MAP3K21: variants seen among roughly 807,000 people sequenced by gnomAD.
MAP3K21 encodes the protein mitogen-activated protein kinase kinase kinase 21.
MAP3K21 carries 63 observed loss-of-function variants against 86.1 expected under a neutral mutation model. The observed-to-expected ratio is 0.73, with a 90% confidence interval of 0.60 to 0.90. The LOEUF (loss-of-function observed/expected upper bound fraction) is 0.90, where lower values mean the gene tolerates loss of function less well. Ranked by LOEUF, MAP3K21 falls within the 40% of genes least tolerant of loss-of-function variation. The pLI, the probability that MAP3K21 is intolerant of heterozygous loss-of-function variation, is 0.00. For missense variants in MAP3K21, 1,220 were observed against 1,367.7 expected (o/e 0.89, Z 1.70); for synonymous variants, 558 against 564.8 (o/e 0.99, Z 0.17).
At chr1:233,357,036 C>T (rs948023282) in intron 4 of MAP3K21, among the ~76,000 whole-genome samples, 6 of 152,140 alleles carry the variant, frequency 3.9e-5, no homozygotes, top group African/African-American at 7.2e-5. Flanking sequence ...TTTGGGAGGT[C>T]GGGGCAGGTG....
intron 2 of MAP3K21, among the ~76,000 whole-genome samples, chr1:233,352,501 G>T (rs774648318): frequency 6.6e-6 from 1 of 151,832 alleles, no homozygotes; most frequent in Non-Finnish European, 1.5e-5. Context: ...CGTGATCTCG[G>T]CTCAGTGCAA....
chr1:233,337,665 T>C (rs1168552974), intron 1 of MAP3K21, among the ~76,000 whole-genome samples: 2 of 152,198 alleles, frequency 1.3e-5, no homozygotes, highest in Non-Finnish European at 2.9e-5. Flanking sequence ...AGGAAACAGT[T>C]CTGAGCCTTG....
chr1:233,354,011 T>A, intron 3 of MAP3K21, 56 bp downstream of exon 3: 1 of 1,380,292 alleles, frequency 7.2e-7, no homozygotes, highest in South Asian at 2.1e-5. Context: ...CATTAGAATA[T>A]CATTTTTTAA....
rs1663967189 is a variant in MAP3K21, at chr1:233,384,331, T to C, written c.*1620T>C. ...TGAGAAACAGTATGAAAGGATTGTA[T>C]TAACATGGTAAGTTTTGCCCTAAGG... On this transcript the variant is annotated 3_prime_UTR_variant, in exon 10 of 10. Transcript: ENST00000366624. 1 of 152,244 alleles carries C rather than the reference T, an allele frequency of 6.6e-6. No homozygotes were observed. Among genetic ancestry groups the C allele is most frequent in the Non-Finnish European group, 1.5e-5 (1 of 68,026 alleles). 9.4% of individuals were successfully genotyped at this position (152,244 alleles called of 1,614,324 possible).
intron 6 of MAP3K21, among the ~76,000 whole-genome samples, chr1:233,374,566 ACAT>A (rs1663752645): frequency 6.6e-6 from 1 of 152,134 alleles, no homozygotes; most frequent in African/African-American, 2.4e-5. Context: ...AAGTAACCAA[ACAT>A]CATCCACAAT....
rs778992107 is a variant in MAP3K21 at position 233,328,752 on chromosome 1, G to C, written c.724G>C (p.Val242Leu). The C allele has an allele frequency of 2.6e-6, 4 of 1,524,178 alleles. No individual in the cohort carries two copies. In the South Asian group the frequency reaches 4.8e-5, roughly 18 times the overall value. The allele number at this position is 1,524,178 out of a possible 1,614,324, so 94.4% of individuals were successfully genotyped here. A position where few individuals can be genotyped will look rare whatever the true frequency, so the allele number is the denominator to read the frequency against. Residue 242 changes from valine (V) to leucine (L), a missense_variant, in exon 1 of 10, where the codon GTG becomes CTG. Around this residue, in one of 5 missense-constraint regions of MAP3K21, gnomAD observed 369 missense variants for 385.3 expected, o/e 0.96. Coordinates refer to ENST00000366624, the MANE Select transcript of MAP3K21 (RefSeq NM_032435.3). This position sits in a 1 kb window ranked among gnomAD's most constrained non-coding sequence, Gnocchi z 8.7. ...TCCGCACGTGCTGGTCAACTGGGCC[G>C]TGCAGATAGCGCGGGGCATGCTCTA... ...IPPHVLVNWA[V>L]QIARGMLYLH...
In MAP3K21 at chr1:233,384,543, A is replaced by C. The variant is rs1663971826; in HGVS notation, c.*1832A>C. ...ATTGCTTTGTGTTCAGTCCTTTTGG[A>C]ACACGTAGCTTCCAGCTTAAGGGTA... On this transcript the variant is annotated 3_prime_UTR_variant, in exon 10 of 10. Transcript: ENST00000366624. 1 of 146,914 alleles carries C rather than the reference A, an allele frequency of 6.8e-6. No homozygotes were observed. Among genetic ancestry groups the C allele is most frequent in the Non-Finnish European group, 1.5e-5 (1 of 67,156 alleles). The allele number at this position is 146,914 out of a possible 1,614,324, so 9.1% of individuals were successfully genotyped here.
At chr1:233,355,135 A>G (rs1663328398) in intron 4 of MAP3K21, 124 bp downstream of exon 4, 5 of 704,540 alleles carry the variant, frequency 7.1e-6, no homozygotes, top group Non-Finnish European at 9.0e-6. Context: ...GTTGATTCTC[A>G]CCTTCTTTCA....
intron 4 of MAP3K21, among the ~76,000 whole-genome samples, chr1:233,358,268 A>T (rs1167536237): frequency 6.6e-6 from 1 of 152,072 alleles, no homozygotes; most frequent in African/African-American, 2.4e-5. Context: ...TCTCAGGAAA[A>T]AAAAAGAAAG....
At chr1:233,352,502 C>T (rs1463954905) in intron 2 of MAP3K21, among the ~76,000 whole-genome samples, 5 of 151,732 alleles carry the variant, frequency 3.3e-5, no homozygotes, top group Non-Finnish European at 5.9e-5. Flanking sequence ...GTGATCTCGG[C>T]TCAGTGCAAC....
rs372146782 is a variant in MAP3K21 at position 233,338,183 on chromosome 1, A to G, written c.806-8259A>G. On this transcript the variant is annotated intron_variant, in intron 1 of 9. Transcript: ENST00000366624. ...GTCCATGTAAAGGCTTGTCCCATGAAAGATGGATTTTATTTCAGTATATGA... is the reference window on the plus strand; with the variant it reads ...GTCCATGTAAAGGCTTGTCCCATGAGAGATGGATTTTATTTCAGTATATGA... 3.3e-5 allele frequency among the ~76,000 whole-genome samples: 5 copies of G among 152,350 alleles called. No homozygotes were observed. In the South Asian group the frequency reaches 1.0e-3, roughly 32 times the overall value.
chr1:233,336,209 GA>G (rs1662907952), intron 1 of MAP3K21, among the ~76,000 whole-genome samples: 1 of 152,060 alleles, frequency 6.6e-6, no homozygotes, highest in Admixed American at 6.6e-5. Flanking sequence ...GAAAATCTTG[GA>G]ATATATAGAA....
At chr1:233,339,249 CTT>C (rs1558450755) in intron 1 of MAP3K21, among the ~76,000 whole-genome samples, 46 of 75,136 alleles carry the variant, frequency 6.1e-4, no homozygotes, top group Non-Finnish European at 8.0e-4. Context: ...TCTTCTTCTT[CTT>C]CTTCTTCTTC....
In MAP3K21 at chr1:233,328,655, C is replaced by G. The variant is rs1379060438; in HGVS notation, c.627C>G (p.Asn209Lys). The G allele has an allele frequency of 7.3e-7, 1 of 1,371,064 alleles. No individual in the cohort carries two copies. Among genetic ancestry groups the G allele is most frequent in the Non-Finnish European group, 9.4e-7 (1 of 1,063,324 alleles). 84.9% of individuals were successfully genotyped at this position (1,371,064 alleles called of 1,614,324 possible). A position where few individuals can be genotyped will look rare whatever the true frequency, so the allele number is the denominator to read the frequency against. The change falls in exon 1 of 10, where the codon AAC becomes AAG. Residue 209 changes from asparagine to lysine, a missense_variant. This residue lies in a region of MAP3K21 where 369 missense variants were observed against 385.3 expected (regional missense o/e 0.96). Transcript: ENST00000366624. The surrounding 1 kb of genome is among the most constrained non-coding windows in gnomAD (Gnocchi z 8.7). Reference protein sequence around the residue: ...VLEFARGGALNRALAAANAAP... With the variant: ...VLEFARGGALKRALAAANAAP... ...AGTTCGCCCGCGGCGGAGCGCTCAA[C>G]CGAGCGCTGGCCGCTGCCAACGCCG...
rs1662982772 is a variant in MAP3K21 at position 233,339,304 on chromosome 1, C to CTCTTCTTCTTCCTCTTCTTCTTCT, written c.806-7135_806-7112dup. The stretch of plus-strand genomic sequence containing the variant: ...CTTCTTCTTCTTCCTCTTCTTCTTC[C>CTCTTCTTCTTCCTCTTCTTCTTCT]TCTTCTTCTTCCTCTTCTTCTTCTT... On this transcript the variant is annotated intron_variant, in intron 1 of 9. Coordinates refer to ENST00000366624, the MANE Select transcript of MAP3K21 (RefSeq NM_032435.3). 3.1e-5 allele frequency among the ~76,000 whole-genome samples: 2 copies of CTCTTCTTCTTCCTCTTCTTCTTCT among 64,254 alleles called. 1 individual carries two copies. The highest frequency in any genetic ancestry group is 6.0e-5 in the Non-Finnish European group (2 of 33,504). The allele number at this position is 64,254 out of a possible 152,430, so 42.2% of individuals were successfully genotyped here.
chr1:233,354,958 G>T lies in MAP3K21; in HGVS notation c.1258G>T (p.Asp420Tyr). The part of the protein sequence containing the change: ...PQESFHSMQD[D>Y]WKLEIQQMFD... ...AGAATCTTTTCATTCCATGCAAGAT[G>T]ACTGGAAACTAGAAATTCAACAAAT... is the stretch of plus-strand genomic sequence containing the variant. Residue 420 changes from aspartate to tyrosine, a missense_variant, in exon 4 of 10, where the codon GAC (aspartate) becomes TAC (tyrosine). Around this residue, in one of 5 missense-constraint regions of MAP3K21, gnomAD observed 126 missense variants for 127.7 expected, o/e 0.99. Transcript: ENST00000366624. 6.2e-7 allele frequency: 1 copy of T among 1,614,030 alleles called. No homozygotes were observed. Among genetic ancestry groups the T allele is most frequent in the South Asian group, 1.1e-5 (1 of 91,074 alleles).
rs1030513343 is a variant in MAP3K21 at position 233,354,087 on chromosome 1, A to G, written c.1135+132A>G. ...ACTTTTAAGTAACCCTAGTATTTTA[A>G]GAATTGGAAACCTAGTCTTTGATCT... On this transcript the variant is annotated intron_variant, in intron 3 of 9. Coordinates refer to ENST00000366624, the MANE Select transcript of MAP3K21 (RefSeq NM_032435.3). The G allele has an allele frequency of 3.8e-5, 42 of 1,104,524 alleles. No homozygotes were observed. In the African/African-American group the frequency reaches 6.4e-4, roughly 17 times the overall value. 68.4% of individuals were successfully genotyped at this position (1,104,524 alleles called of 1,614,324 possible).
rs755587348 is a variant in MAP3K21, at chr1:233,382,290, G to T, written c.2705-15G>T. On this transcript the variant is annotated splice_polypyrimidine_tract_variant and intron_variant, in intron 9 of 9. Transcript: ENST00000366624. ...TTTCTTTCTAACTGCATACTGTTTT[G>T]GCTTTCTCAACCAGCTGGTGCAACT... The T allele has an allele frequency of 7.5e-6, 12 of 1,600,290 alleles. No homozygotes were observed. In the African/African-American group the frequency reaches 1.5e-4, roughly 20 times the overall value.
chr1:233,359,752 C>T (rs1160663643), intron 4 of MAP3K21, among the ~76,000 whole-genome samples: 1 of 152,238 alleles, frequency 6.6e-6, no homozygotes, highest in Non-Finnish European at 1.5e-5. Context: ...TGGCCTGTGC[C>T]AAGCAATTCA....
Sources: allele counts gnomAD v4.1 joint callset (sites outside exome capture counted in the v4.1 genomes callset), GRCh38; gene constraint gnomAD v4.1.1; regional missense constraint gnomAD v4.1.1; non-coding constraint Gnocchi (gnomAD v3.1); transcripts MANE v1.5; gene names NCBI Gene and HGNC (gene_info 2026-07-23, HGNC 2026-07-21).